Variants in CGGBP1 observed in about 807,000 individuals in gnomAD.
The protein encoded by CGGBP1 is CGG triplet repeat binding protein 1.
In CGGBP1, 4 loss-of-function variants were observed where a neutral mutation model predicts 11.4. The ratio of observed to expected loss-of-function variants is 0.35; its 90% CI spans 0.17 to 0.80. The LOEUF (loss-of-function observed/expected upper bound fraction) is 0.80. Among genes scored for constraint, CGGBP1 ranks in the 30% least tolerant of loss-of-function variants. CGGBP1 has a pLI of 0.52. For synonymous variants in CGGBP1, 76 were observed against 74.1 expected (o/e 1.03, Z -0.13); for missense variants, 135 against 202.1 (o/e 0.67, Z 2.01).
rs117408478 is a variant in CGGBP1 at position 88,077,047 on chromosome 3, A to C, written c.-228-18824T>G. On this transcript the variant is annotated intron_variant, in intron 2 of 3. Transcript: ENST00000462901. Reference sequence around the variant, plus strand: ...AGAATTTTAGGGAAGGAGGAAAATCATCCTCTCACTGGTATTTTTTGAGAT... The same window carrying C: ...AGAATTTTAGGGAAGGAGGAAAATCCTCCTCTCACTGGTATTTTTTGAGAT... Among the ~76,000 whole-genome samples, 4 of 152,334 alleles carry C rather than the reference A, an allele frequency of 2.6e-5. No homozygotes were observed. The East Asian group carries it at 7.7e-4, about 29-fold the overall frequency.
At chr3:88,094,949 TACA>T (rs1703973538) in intron 2 of CGGBP1, among the ~76,000 whole-genome samples, 1 of 152,128 alleles carries the variant, frequency 6.6e-6, no homozygotes. Context: ...CACTGCTTCT[TACA>T]AAGAAAACTT....
chr3:88,137,544 GACATAC>G (rs1032008068), intron 2 of CGGBP1, among the ~76,000 whole-genome samples: 3 of 152,012 alleles, frequency 2.0e-5, no homozygotes. Context: ...GGGGGGTGAG[GACATAC>G]ACATACACAG....
At chr3:88,147,271 GTGT>G (rs1277732040) in intron 1 of CGGBP1, among the ~76,000 whole-genome samples, 4 of 152,172 alleles carry the variant, frequency 2.6e-5, no homozygotes, top group African/African-American at 9.7e-5. Flanking sequence ...AATAAGCATG[GTGT>G]TGGTGGTGAT....
intron 2 of CGGBP1, among the ~76,000 whole-genome samples, chr3:88,131,744 A>T (rs114497500): frequency 0.019 from 2,840 of 151,776 alleles, 95 homozygotes; most frequent in African/African-American, 0.065. Context: ...ATGATGGCCT[A>T]CCCTCTTATT....
chr3:88,087,019 T>G (rs1215923934), intron 2 of CGGBP1, among the ~76,000 whole-genome samples: 1 of 152,142 alleles, frequency 6.6e-6, no homozygotes, highest in Non-Finnish European at 1.5e-5. Context: ...CCTGACCTCG[T>G]GATCTGCCTA....
chr3:88,089,504 T>A (rs1473214401), intron 2 of CGGBP1, among the ~76,000 whole-genome samples: 4 of 135,628 alleles, frequency 2.9e-5, no homozygotes, highest in Non-Finnish European at 6.6e-5. Flanking sequence ...AAAAAAAAAA[T>A]GTTTTATTAG....
intron 2 of CGGBP1, among the ~76,000 whole-genome samples, chr3:88,067,669 A>G (rs1026322644): frequency 6.6e-6 from 1 of 152,204 alleles, no homozygotes; most frequent in Non-Finnish European, 1.5e-5. Flanking sequence ...TGGCATTGCA[A>G]ACTGTTGAGA....
chr3:88,144,741 TATG>T lies in CGGBP1; in HGVS notation c.-337-3666_-337-3664del, dbSNP rs1161541612. On this transcript the variant is annotated intron_variant, in intron 1 of 3. Coordinates refer to the CGGBP1 transcript ENST00000462901. ...GTATATATTAAATGAAAATGTCTAT[TATG>T]TCTCATAAAGGAATGGCATATTTCA... 7.2e-5 allele frequency: 11 copies of T among 152,414 alleles called. 1 individual carries two copies. The highest frequency in any genetic ancestry group is 1.6e-4 in the Non-Finnish European group (11 of 67,880). 9.4% of individuals were successfully genotyped at this position (152,414 alleles called of 1,614,324 possible).
chr3:88,100,584 G>T (rs927978182), intron 2 of CGGBP1, among the ~76,000 whole-genome samples: 6 of 152,292 alleles, frequency 3.9e-5, no homozygotes, highest in Admixed American at 2.0e-4. Flanking sequence ...TGATAGACTG[G>T]ATTAAGAAAA....
chr3:88,107,840 A>G (rs1168812374), intron 2 of CGGBP1, among the ~76,000 whole-genome samples: 1 of 151,862 alleles, frequency 6.6e-6, no homozygotes, highest in Admixed American at 6.6e-5. Context: ...TGTTCTTTAT[A>G]TTTTCAATGT....
chr3:88,114,323 GAT>G (rs1705263577), intron 2 of CGGBP1, among the ~76,000 whole-genome samples: 1 of 152,140 alleles, frequency 6.6e-6, no homozygotes, highest in Admixed American at 6.6e-5. Flanking sequence ...GCTGACCACT[GAT>G]AATGGGAACC....
At chr3:88,138,567 A>G (rs1289100755) in intron 2 of CGGBP1, 5 of 453,836 alleles carry the variant, frequency 1.1e-5, no homozygotes, top group Non-Finnish European at 1.4e-5. Flanking sequence ...AAACAAGGCT[A>G]CTAAATATGG....
intron 3 of CGGBP1, 142 bp from the exon 4 acceptor site, chr3:88,056,141 T>C: frequency 1.6e-6 from 1 of 609,486 alleles, no homozygotes; most frequent in Non-Finnish European, 2.7e-6. Context: ...CTATTAATCT[T>C]AACTTACCTG....
chr3:88,078,941 AC>A (rs1707947859), intron 2 of CGGBP1, among the ~76,000 whole-genome samples: 1 of 152,096 alleles, frequency 6.6e-6, no homozygotes, highest in South Asian at 2.1e-4. Flanking sequence ...ATGATAAAAA[AC>A]TAACTTTTCA....
Position 88,094,393 on chromosome 3 carries a change from G to A in CGGBP1, c.-228-36170C>T, listed in dbSNP as rs57318160. On this transcript the variant is annotated intron_variant, in intron 2 of 3. Transcript: ENST00000462901. ...GTGGTTGGGACTATAGTTGTTTTAT[G>A]AGCAAAGAGATAGATTACTAATTGG... 3.0e-3 allele frequency among the ~76,000 whole-genome samples: 463 copies of A among 152,184 alleles called. 3 individuals carry two copies. The highest frequency in any genetic ancestry group is 0.011 in the African/African-American group (445 of 41,528).
chr3:88,140,521 C>T (rs1707057351), intron 2 of CGGBP1: 1 of 1,613,570 alleles, frequency 6.2e-7, no homozygotes, highest in Non-Finnish European at 8.5e-7. Flanking sequence ...GACACTGTTT[C>T]AAATATAAGC....
intron 2 of CGGBP1, among the ~76,000 whole-genome samples, chr3:88,088,724 GT>G (rs1708466170): frequency 2.0e-5 from 1 of 51,224 alleles, no homozygotes; most frequent in East Asian, 7.9e-4. Context: ...GAGTGAGGCA[GT>G]TTAAAAAAAA....
chr3:88,080,306 T>G (rs890455200), intron 2 of CGGBP1, among the ~76,000 whole-genome samples: 9 of 152,146 alleles, frequency 5.9e-5, no homozygotes. Flanking sequence ...ACTGATGTAA[T>G]GAAATTGTCA....
intron 2 of CGGBP1, among the ~76,000 whole-genome samples, chr3:88,073,711 T>G (rs1402035543): frequency 6.6e-6 from 1 of 152,170 alleles, no homozygotes; most frequent in Admixed American, 6.5e-5. Context: ...AAATGAACAG[T>G]ATAGTTTTGG....
Sources: gnomAD v4.1 joint callset for allele counts (sites outside exome capture counted in the v4.1 genomes callset) on GRCh38, gnomAD v4.1.1 for gene constraint, MANE v1.5 for transcripts, NCBI Gene and HGNC (gene_info 2026-07-23, HGNC 2026-07-21) for gene names.